The following PPP1R17 variants were observed in gnomAD, a reference collection of about 807,000 sequenced individuals.
PPP1R17 encodes G-substrate.
A neutral mutation model predicts 15.9 loss-of-function variants in PPP1R17; 12 were observed. That is an observed-to-expected ratio of 0.75 (90% CI 0.48 to 1.22). The LOEUF is 1.22. PPP1R17 is among the 50% of genes most tolerant of loss of function. The pLI is 0.00. For missense variants in PPP1R17, 211 were observed against 187.3 expected (o/e 1.13, Z -0.74); for synonymous variants, 63 against 64.5 (o/e 0.98, Z 0.11).
rs1027600795 is a variant in PPP1R17, at chr7:31,707,714, G to A, written c.*431G>A. ...GGGGTTCCCTGTTGCCAGTTAGAGA[G>A]GTGAGAATGTTTGGACTCTAACTCA... On this transcript the variant is annotated 3_prime_UTR_variant, in exon 5 of 5. Coordinates refer to ENST00000342032, the MANE Select transcript of PPP1R17 (RefSeq NM_006658.5). 6.1e-6 allele frequency: 1 copy of A among 164,288 alleles called. No homozygotes were observed. Among genetic ancestry groups the A allele is most frequent in the African/African-American group, 2.4e-5 (1 of 41,660 alleles). 10.2% of individuals were successfully genotyped at this position (164,288 alleles called of 1,614,324 possible). A position where few individuals can be genotyped will look rare whatever the true frequency, so the allele number is the denominator to read the frequency against.
intron 1 of PPP1R17, 114 bp from the exon 2 acceptor site, chr7:31,692,291 AG>A: frequency 1.6e-6 from 1 of 608,036 alleles, no homozygotes; most frequent in Non-Finnish European, 2.8e-6. Context: ...ATAAAGAAAC[AG>A]GATTGGATTG....
Position 31,695,548 on chromosome 7 carries a change from G to A in PPP1R17, c.162G>A (p.Leu54=). The change falls in exon 3 of 5, where the codon CTG becomes CTA. Residue 54 remains leucine (L), a synonymous_variant. Transcript: ENST00000342032. ...AGGGAAAAAATGTACAGGCCACCCT[G>A]AATGTTGAGTCAGACCAAAAAAAAC... ...PRKGKNVQAT[L]NVESDQKKPR... 1 of 1,613,966 alleles carries A rather than the reference G, an allele frequency of 6.2e-7. No homozygotes were observed. The highest frequency in any genetic ancestry group is 8.5e-7 in the Non-Finnish European group (1 of 1,179,954).
intron 1 of PPP1R17, among the ~76,000 whole-genome samples, chr7:31,687,586 GT>G (rs1465290999): frequency 6.6e-6 from 1 of 152,160 alleles, no homozygotes; most frequent in African/African-American, 2.4e-5. Context: ...GGATAGAGAG[GT>G]TTATCTTCCA....
intron 2 of PPP1R17, among the ~76,000 whole-genome samples, chr7:31,693,574 C>T (rs955493550): frequency 1.3e-5 from 2 of 152,032 alleles, no homozygotes; most frequent in African/African-American, 2.4e-5. Context: ...AGTATAACAC[C>T]GTTGTAGACT....
intron 4 of PPP1R17, among the ~76,000 whole-genome samples, chr7:31,702,751 T>C (rs567526776): frequency 2.0e-5 from 3 of 152,252 alleles, no homozygotes; most frequent in Non-Finnish European, 2.9e-5. Flanking sequence ...TTGATCTTGA[T>C]ATCTAGTCCA....
At chr7:31,700,783 T>C (rs1467799874) in intron 4 of PPP1R17, among the ~76,000 whole-genome samples, 1 of 152,026 alleles carries the variant, frequency 6.6e-6, no homozygotes, top group Non-Finnish European at 1.5e-5. Context: ...CCCTTATGAA[T>C]TATGTTAAAT....
Position 31,697,085 on chromosome 7 carries a change from C to T in PPP1R17, c.356C>T (p.Thr119Ile), listed in dbSNP as rs1792617068. Residue 119 changes from threonine (T) to isoleucine (I), a missense_variant, in exon 4 of 5, where the codon ACA becomes ATA. Coordinates refer to ENST00000342032, the MANE Select transcript of PPP1R17 (RefSeq NM_006658.5). ...LEQKKPRRKD[T>I]PALHMSPFAA... ...CAGAAAAAGCCAAGGAGAAAAGACA[C>T]ACCTGCCCTGCACATGTCCCCCTTT... The T allele has an allele frequency of 1.9e-6, 3 of 1,614,084 alleles. No homozygotes were observed. Among genetic ancestry groups the T allele is most frequent in the Non-Finnish European group, 2.5e-6 (3 of 1,179,984 alleles).
intron 2 of PPP1R17, 95 bp downstream of exon 2, chr7:31,692,618 C>A: frequency 8.6e-7 from 1 of 1,162,818 alleles, no homozygotes; most frequent in Non-Finnish European, 1.3e-6. Flanking sequence ...AGAGGGCACC[C>A]CCCGAAACCT....
intron 4 of PPP1R17, among the ~76,000 whole-genome samples, chr7:31,705,999 T>TA: frequency 9.9e-6 from 1 of 101,382 alleles, no homozygotes; most frequent in Non-Finnish European, 2.1e-5. Flanking sequence ...TTTTTTTTTT[T>TA]TTTTTTTTTT....
Position 31,697,211 on chromosome 7 carries a change from G to GC in PPP1R17, c.388+98dup. Reference sequence around the variant, plus strand: ...GTCCCCAGGGCCTGGCCGTTGTCCTGCCCCAGCAAGCTGCGTTGTCCTGAA... The same window carrying GC: ...GTCCCCAGGGCCTGGCCGTTGTCCTGCCCCCAGCAAGCTGCGTTGTCCTGAA... On this transcript the variant is annotated intron_variant, in intron 4 of 4. Coordinates refer to ENST00000342032, the MANE Select transcript of PPP1R17 (RefSeq NM_006658.5). 1.4e-6 allele frequency: 2 copies of GC among 1,468,266 alleles called. 1 individual carries two copies. Among genetic ancestry groups the GC allele is most frequent in the South Asian group, 2.7e-5 (2 of 73,804 alleles). 91.0% of individuals were successfully genotyped at this position (1,468,266 alleles called of 1,614,324 possible).
At chr7:31,696,879 C>G in intron 3 of PPP1R17, 86 bp from the exon 4 acceptor site, 1 of 1,428,498 alleles carries the variant, frequency 7.0e-7, no homozygotes, top group Non-Finnish European at 9.5e-7. Context: ...CTGTCTTCAC[C>G]AGATGTCTAT....
At chr7:31,697,755 T>A (rs1214739905) in intron 4 of PPP1R17, among the ~76,000 whole-genome samples, 1 of 152,124 alleles carries the variant, frequency 6.6e-6, no homozygotes, top group African/African-American at 2.4e-5. Flanking sequence ...GAGGGGAAAA[T>A]ATGCTAATGT....
chr7:31,702,776 G>A (rs1056695833), intron 4 of PPP1R17, among the ~76,000 whole-genome samples: 2 of 152,088 alleles, frequency 1.3e-5, no homozygotes, highest in Non-Finnish European at 2.9e-5. Context: ...TTTCTACATA[G>A]CAATACTCAC....
At chr7:31,703,990 G>C (rs1319772952) in intron 4 of PPP1R17, among the ~76,000 whole-genome samples, 1 of 152,186 alleles carries the variant, frequency 6.6e-6, no homozygotes, top group Non-Finnish European at 1.5e-5. Flanking sequence ...GTTCTGACTA[G>C]TCAGATCTGG....
chr7:31,697,828 AACTG>A (rs1321704192), intron 4 of PPP1R17, among the ~76,000 whole-genome samples: 1 of 151,634 alleles, frequency 6.6e-6, no homozygotes, highest in African/African-American at 2.4e-5. Context: ...TTTATAAATT[AACTG>A]ACTAATATAA....
Position 31,707,339 on chromosome 7 carries a change from C to G in PPP1R17, c.*56C>G. On this transcript the variant is annotated 3_prime_UTR_variant, in exon 5 of 5. Coordinates refer to ENST00000342032, the MANE Select transcript of PPP1R17 (RefSeq NM_006658.5). ...GGTTAGATTGGTTCCCTGTGGTGACCTAGAGAAAAAATAGACTTGTTTCTG... is the reference window on the plus strand; with the variant it reads ...GGTTAGATTGGTTCCCTGTGGTGACGTAGAGAAAAAATAGACTTGTTTCTG... 6.9e-7 allele frequency: 1 copy of G among 1,454,806 alleles called. No individual in the cohort carries two copies. Among genetic ancestry groups the G allele is most frequent in the Middle Eastern group, 1.8e-4 (1 of 5,644 alleles). 90.1% of individuals were successfully genotyped at this position (1,454,806 alleles called of 1,614,324 possible). A position where few individuals can be genotyped will look rare whatever the true frequency, so the allele number is the denominator to read the frequency against.
intron 1 of PPP1R17, among the ~76,000 whole-genome samples, chr7:31,690,546 C>T (rs1792299455): frequency 2.0e-5 from 3 of 152,174 alleles, no homozygotes; most frequent in African/African-American, 7.2e-5. Flanking sequence ...ACTCTCACTA[C>T]ATCTTTAAGA....
intron 4 of PPP1R17, among the ~76,000 whole-genome samples, chr7:31,706,813 T>C (rs940809936): frequency 6.6e-6 from 1 of 152,222 alleles, no homozygotes; most frequent in Non-Finnish European, 1.5e-5. Flanking sequence ...ACTGTACTCA[T>C]GTTATATTGA....
intron 2 of PPP1R17, among the ~76,000 whole-genome samples, chr7:31,694,132 G>T (rs907626031): frequency 6.6e-6 from 1 of 152,106 alleles, no homozygotes; most frequent in Non-Finnish European, 1.5e-5. Context: ...GACATATGCA[G>T]AAATAATAAC....
Sources: allele counts gnomAD v4.1 joint callset (sites outside exome capture counted in the v4.1 genomes callset), GRCh38; gene constraint gnomAD v4.1.1; transcripts MANE v1.5; gene names NCBI Gene and HGNC (gene_info 2026-07-23, HGNC 2026-07-21).